The following SCN3A variants were observed in gnomAD, a reference collection of about 807,000 sequenced individuals.
SCN3A encodes sodium channel protein type 3 subunit alpha.
SCN3A carries 60 observed loss-of-function variants against 187.6 expected under a neutral mutation model. That is an observed-to-expected ratio of 0.32 (90% CI 0.26 to 0.40). The LOEUF (loss-of-function observed/expected upper bound fraction) is 0.40. SCN3A is among the 10% of genes least tolerant of loss of function. The pLI is 1.00. For missense variants in SCN3A, 1,601 were observed against 2,428.2 expected, an observed-to-expected ratio of 0.66 and a Z score of 7.16; for synonymous variants, 788 against 829.2, an observed-to-expected ratio of 0.95 and a Z score of 0.85.
chr2:165,117,615 G>A (rs953699281), intron 18 of SCN3A, among the ~76,000 whole-genome samples: 3 of 152,018 alleles, frequency 2.0e-5, no homozygotes, highest in Non-Finnish European at 2.9e-5. Flanking sequence ...AGAGTGAATC[G>A]ATGAATGTTT....
intron 22 of SCN3A, among the ~76,000 whole-genome samples, chr2:165,098,408 A>T (rs1360014907): frequency 1.3e-5 from 2 of 152,216 alleles, no homozygotes; most frequent in Non-Finnish European, 2.9e-5. Context: ...AATACCAAGG[A>T]ATCTTAAATT....
intron 26 of SCN3A, chr2:165,093,592 C>A (rs1685216971): frequency 6.6e-6 from 1 of 151,966 alleles, no homozygotes; most frequent in Non-Finnish European, 1.5e-5. Flanking sequence ...ATGAAGTGAC[C>A]ATGTTTTAAT....
rs1156311733 is a variant in SCN3A at position 165,155,619 on chromosome 2, G to T, written c.1173+143C>A. On this transcript the variant is annotated intron_variant, in intron 10 of 27. Coordinates refer to ENST00000283254, the MANE Select transcript of SCN3A (RefSeq NM_006922.4). The stretch of plus-strand genomic sequence containing the variant: ...TTGCCATGTTGTTCAGGCTGGTCTC[G>T]AATTCCTGGACTCAAGTGATCCATC... The T allele has an allele frequency of 3.4e-5, 29 of 857,064 alleles. No individual in the cohort carries two copies. In the Admixed American group the frequency reaches 6.8e-4, roughly 20 times the overall value. 53.1% of individuals were successfully genotyped at this position (857,064 alleles called of 1,614,324 possible).
At chr2:165,157,690 A>C (rs972307825) in intron 9 of SCN3A, among the ~76,000 whole-genome samples, 1 of 152,210 alleles carries the variant, frequency 6.6e-6, no homozygotes, top group East Asian at 1.9e-4. Context: ...TTAAGTATAT[A>C]CCAAAATTAT....
intron 2 of SCN3A, among the ~76,000 whole-genome samples, chr2:165,181,960 A>C (rs999316622): frequency 6.6e-6 from 1 of 152,140 alleles, no homozygotes; most frequent in Non-Finnish European, 1.5e-5. Context: ...AACTGGCATT[A>C]TTTTTCTTAC....
intron 18 of SCN3A, among the ~76,000 whole-genome samples, chr2:165,121,251 C>G (rs1187295385): frequency 6.6e-6 from 1 of 152,046 alleles, no homozygotes; most frequent in African/African-American, 2.4e-5. Context: ...AGTCATTATT[C>G]CATTGCTTTC....
chr2:165,156,950 G>A (rs1041025881), intron 9 of SCN3A, among the ~76,000 whole-genome samples: 8 of 151,284 alleles, frequency 5.3e-5, no homozygotes, highest in Admixed American at 2.0e-4. Flanking sequence ...TCGTTCTGTC[G>A]CCCAAGCTGG....
At position 165,146,786 on chromosome 2, in the gene SCN3A, C is replaced by T; in HGVS notation, c.1624G>A (p.Asp542Asn). The T allele has an allele frequency of 1.2e-6, 2 of 1,613,966 alleles. No homozygotes were observed. The highest frequency in any genetic ancestry group is 1.1e-5 in the South Asian group (1 of 91,066). ...VKRSSFLFSM[D>N]GNRLTSDKKF... ...TTGTCACTGGTCAGTCTGTTTCCAT[C>T]CATGGAGAAAAGGAAGCTGCTTCTT... The change falls in exon 12 of 28, where the codon GAT becomes AAT. Residue 542 changes from aspartate (D) to asparagine (N), a missense_variant. Asp to Asn is a conservative substitution (Grantham distance 23, BLOSUM62 1). Around this residue, in one of 11 missense-constraint regions of SCN3A, gnomAD observed 376 missense variants for 476.0 expected, o/e 0.79. Transcript: ENST00000283254.
chr2:165,178,680 TCTA>T (rs1690631863), intron 2 of SCN3A, among the ~76,000 whole-genome samples: 1 of 152,242 alleles, frequency 6.6e-6, no homozygotes, highest in Admixed American at 6.5e-5. Flanking sequence ...GTTATTTTTC[TCTA>T]CTAATTTTGA....
In SCN3A at chr2:165,146,378, ATATATGTGTGTGTGTG is replaced by A. The variant is rs1284022537; in HGVS notation, c.1671+345_1671+360del. Among the ~76,000 whole-genome samples, 508 of 137,440 alleles carry A rather than the reference ATATATGTGTGTGTGTG, an allele frequency of 3.7e-3. 2 individuals carry two copies. The highest frequency in any genetic ancestry group is 0.022 in the Middle Eastern group (6 of 274). 90.2% of individuals were successfully genotyped at this position (137,440 alleles called of 152,430 possible). On this transcript the variant is annotated intron_variant, in intron 12 of 27. Transcript: ENST00000283254. ...GTCTGCTAGTGTAGGTTATATATAT[ATATATGTGTGTGTGTG>A]TGTGTGTGTGTGTGTGTGTGTGTGT...
intron 9 of SCN3A, among the ~76,000 whole-genome samples, chr2:165,158,438 A>G (rs1574255920): frequency 7.3e-6 from 1 of 136,674 alleles, no homozygotes; most frequent in South Asian, 2.3e-4. Context: ...ATATATTAAG[A>G]TTCACTCTTT....
chr2:165,094,379 G>A lies in SCN3A; in HGVS notation c.4531C>T (p.Pro1511Ser). 6.2e-7 allele frequency: 1 copy of A among 1,610,242 alleles called. No homozygotes were observed. Among genetic ancestry groups the A allele is most frequent in the Non-Finnish European group, 8.5e-7 (1 of 1,176,602 alleles). The change falls in exon 26 of 28, where the codon CCA becomes TCA. Residue 1511 changes from proline to serine, a missense_variant. Physicochemically the swap from Pro to Ser is moderately conservative, Grantham distance 74. Around this residue, in one of 11 missense-constraint regions of SCN3A, gnomAD observed 320 missense variants for 623.2 expected, o/e 0.51. Transcript: ENST00000283254. ...SKKPQKPIPR[P>S]ANKFQGMVFD... ...AGGAGACAAGTAATTCTTACTGCTG[G>A]GCGAGGTATGGGTTTCTGAGGTTTC...
chr2:165,120,437 TAGA>T (rs1042673045), intron 18 of SCN3A, among the ~76,000 whole-genome samples: 2 of 151,820 alleles, frequency 1.3e-5, no homozygotes, highest in Admixed American at 1.3e-4. Context: ...CTTTCAGAGA[TAGA>T]AGAGAATGTT....
chr2:165,116,765 G>A lies in SCN3A; in HGVS notation c.3394-1190C>T, dbSNP rs1041755588. The stretch of plus-strand genomic sequence containing the variant: ...TAGTATCCAGATGATACTTTCTGTG[G>A]TGTTACTTTAAAGTTGATATTAACC... On this transcript the variant is annotated intron_variant, in intron 18 of 27. Transcript: ENST00000283254. Among the ~76,000 whole-genome samples, 3 of 152,100 alleles carry A rather than the reference G, an allele frequency of 2.0e-5. No homozygotes were observed. In the South Asian group the frequency reaches 6.2e-4, roughly 32 times the overall value.
intron 3 of SCN3A, 76 bp downstream of exon 3, chr2:165,176,055 A>G (rs1690429992): frequency 2.1e-6 from 3 of 1,408,208 alleles, no homozygotes; most frequent in Non-Finnish European, 3.0e-6. Context: ...GTGATGCTGT[A>G]TATAAGGCCC....
Position 165,089,962 on chromosome 2 carries a change from T to A in SCN3A, c.*188A>T, listed in dbSNP as rs1007665087. The A allele has an allele frequency of 3.9e-5, 29 of 752,442 alleles. 2 individuals carry two copies. The South Asian group carries it at 5.4e-4, about 14-fold the overall frequency. 46.6% of individuals were successfully genotyped at this position (752,442 alleles called of 1,614,324 possible). On this transcript the variant is annotated 3_prime_UTR_variant, in exon 28 of 28. Transcript: ENST00000283254. Reference sequence around the variant, plus strand: ...TAAAAACAGCAACCTCTTGTCAATGTTGATACCCTGCTTCACAGAGTTGCA... The same window carrying A: ...TAAAAACAGCAACCTCTTGTCAATGATGATACCCTGCTTCACAGAGTTGCA...
Position 165,136,265 on chromosome 2 carries a change from C to G in SCN3A, c.2391+1614G>C, listed in dbSNP as rs1156824352. Among the ~76,000 whole-genome samples, 2 of 152,186 alleles carry G rather than the reference C, an allele frequency of 1.3e-5. 1 individual carries two copies. The highest frequency in any genetic ancestry group is 4.8e-5 in the African/African-American group (2 of 41,446). On this transcript the variant is annotated intron_variant, in intron 15 of 27. Transcript: ENST00000283254. Reference sequence around the variant, plus strand: ...GGAATTCTATATTTCCTGCTTCACTCTGGCAAATTTCCTTCACCTGTTCAA... The same window carrying G: ...GGAATTCTATATTTCCTGCTTCACTGTGGCAAATTTCCTTCACCTGTTCAA...
Position 165,163,786 on chromosome 2 carries a change from A to G in SCN3A, c.603-77T>C, listed in dbSNP as rs765032357. The G allele has an allele frequency of 3.1e-6, 5 of 1,613,532 alleles. No individual in the cohort carries two copies. In the South Asian group the frequency reaches 5.5e-5, roughly 18 times the overall value. On this transcript the variant is annotated intron_variant, in intron 6 of 27. Transcript: ENST00000283254. Reference sequence around the variant, plus strand: ...AGATATAAGGGGCCTACTACCTTACACCAGTTTCTTCTTACCTGGAATTAC... The same window carrying G: ...AGATATAAGGGGCCTACTACCTTACGCCAGTTTCTTCTTACCTGGAATTAC...
chr2:165,195,985 T>TA (rs1435475664), intron 1 of SCN3A, among the ~76,000 whole-genome samples: 4 of 152,144 alleles, frequency 2.6e-5, no homozygotes, highest in Non-Finnish European at 4.4e-5. Context: ...AGCTAGTTCT[T>TA]ACAATTGTCA....
Sources: allele counts gnomAD v4.1 joint callset (sites outside exome capture counted in the v4.1 genomes callset), GRCh38; gene constraint gnomAD v4.1.1; regional missense constraint gnomAD v4.1.1; transcripts MANE v1.5; gene names NCBI Gene and HGNC (gene_info 2026-07-23, HGNC 2026-07-21).